Variants in ANKS6 observed in about 807,000 individuals in gnomAD.
ANKS6 encodes ankyrin repeat and sterile alpha motif domain containing 6.
A neutral mutation model predicts 77.9 loss-of-function variants in ANKS6; 47 were observed. The ratio of observed to expected loss-of-function variants is 0.60; its 90% confidence interval spans 0.48 to 0.77. The LOEUF is 0.77. Among genes scored for constraint, ANKS6 ranks in the 30% least tolerant of loss-of-function variants. The pLI is 0.00. For synonymous variants in ANKS6, 488 were observed against 501.7 expected (o/e 0.97, Z 0.37); for missense variants, 1,150 against 1,159.1 (o/e 0.99, Z 0.11).
intron 11 of ANKS6, among the ~76,000 whole-genome samples, chr9:98,764,411 C>A (rs962922479): frequency 6.6e-6 from 1 of 152,124 alleles, no homozygotes; most frequent in Admixed American, 6.6e-5. Context: ...AAATTCTCAA[C>A]CATTATTTCT....
intron 10 of ANKS6, among the ~76,000 whole-genome samples, chr9:98,769,599 A>G (rs1256841157): frequency 6.6e-6 from 1 of 152,222 alleles, no homozygotes; most frequent in Non-Finnish European, 1.5e-5. Context: ...TGTGAGGAAA[A>G]AGAAAAAAGC....
chr9:98,779,929 T>C lies in ANKS6; in HGVS notation c.1368+260A>G, dbSNP rs565670460. Among the ~76,000 whole-genome samples, 5 of 152,348 alleles carry C rather than the reference T, an allele frequency of 3.3e-5. No individual in the cohort carries two copies. The South Asian group carries it at 1.0e-3, about 32-fold the overall frequency. ...CGCCCGTCTTGGCCTCTCAAAGTGC[T>C]GGGATTACAGGCGTGAGCCACCGTG... On this transcript the variant is annotated intron_variant, in intron 6 of 14. Transcript: ENST00000353234.
chr9:98,746,678 T>G (rs956133191), intron 13 of ANKS6, among the ~76,000 whole-genome samples: 4 of 151,658 alleles, frequency 2.6e-5, no homozygotes, highest in African/African-American at 7.3e-5. Context: ...ATCCTCGCCG[T>G]TCTCCACAAT....
intron 3 of ANKS6, 56 bp downstream of exon 3, chr9:98,784,776 G>T (rs1834471013): frequency 1.4e-6 from 2 of 1,470,608 alleles, no homozygotes; most frequent in Non-Finnish European, 1.9e-6. Flanking sequence ...ATATTAGGTT[G>T]GGAGAATGTA....
Position 98,734,685 on chromosome 9 carries a change from C to T in ANKS6, c.*1834G>A, listed in dbSNP as rs76874515. 1.4e-3 allele frequency: 1,301 copies of T among 930,664 alleles called. 9 individuals carry two copies. In the African/African-American group the frequency reaches 0.021, roughly 15 times the overall value. 57.7% of individuals were successfully genotyped at this position (930,664 alleles called of 1,614,324 possible). A position where few individuals can be genotyped will look rare whatever the true frequency, so the allele number is the denominator to read the frequency against. The stretch of plus-strand genomic sequence containing the variant: ...AAGCTGCTTCCCTCTCCTAAGCATC[C>T]GTTTCCCGAATGTGCAAGATGAGGT... On this transcript the variant is annotated 3_prime_UTR_variant, in exon 15 of 15. Coordinates refer to ENST00000353234, the MANE Select transcript of ANKS6 (RefSeq NM_173551.5).
intron 12 of ANKS6, among the ~76,000 whole-genome samples, chr9:98,755,146 C>A (rs771011395): frequency 2.0e-5 from 3 of 152,218 alleles, no homozygotes; most frequent in Admixed American, 1.3e-4. Context: ...CCAGTGGCAG[C>A]ATGCATTTAT....
rs1055114325 is a variant in ANKS6, at chr9:98,735,304, G to A, written c.*1215C>T. ...TCTATTTACAGGTGTTCTCTTGCCT[G>A]TCGAGAGCCTGAAGGCTCTGTATTG... On this transcript the variant is annotated 3_prime_UTR_variant, in exon 15 of 15. Transcript: ENST00000353234. The A allele has an allele frequency of 3.0e-6, 3 of 1,002,450 alleles. No individual in the cohort carries two copies. Among genetic ancestry groups the A allele is most frequent in the Non-Finnish European group, 3.6e-6 (3 of 841,734 alleles). The allele number at this position is 1,002,450 out of a possible 1,614,324, so 62.1% of individuals were successfully genotyped here.
At chr9:98,781,180 G>A (rs1047951924) in intron 5 of ANKS6, among the ~76,000 whole-genome samples, 8 of 152,330 alleles carry the variant, frequency 5.3e-5, no homozygotes, top group Non-Finnish European at 1.0e-4. Context: ...GATTATGGGC[G>A]TGAGCCATCC....
intron 11 of ANKS6, among the ~76,000 whole-genome samples, chr9:98,760,076 C>A (rs978200286): frequency 1.1e-4 from 16 of 152,054 alleles, no homozygotes; most frequent in African/African-American, 3.9e-4. Context: ...CTAAACATCA[C>A]TATGTACCCC....
chr9:98,753,824 T>C (rs965283198), intron 12 of ANKS6, among the ~76,000 whole-genome samples: 2 of 152,176 alleles, frequency 1.3e-5, no homozygotes, highest in African/African-American at 4.8e-5. Context: ...GATAATAAAA[T>C]ATACAAAAAT....
In ANKS6 at chr9:98,735,553, T is replaced by C. The variant is rs1831452993; in HGVS notation, c.*966A>G. On this transcript the variant is annotated 3_prime_UTR_variant, in exon 15 of 15. Coordinates refer to ENST00000353234, the MANE Select transcript of ANKS6 (RefSeq NM_173551.5). ...AATTCCAAATTTTCACTTCTTTGCCTAGAAACTTTGAGCACCAGAGACCTT... is the reference window on the plus strand; with the variant it reads ...AATTCCAAATTTTCACTTCTTTGCCCAGAAACTTTGAGCACCAGAGACCTT... 1.6e-6 allele frequency: 2 copies of C among 1,230,528 alleles called. No individual in the cohort carries two copies. Among genetic ancestry groups the C allele is most frequent in the African/African-American group, 1.6e-5 (1 of 64,418 alleles). 76.2% of individuals were successfully genotyped at this position (1,230,528 alleles called of 1,614,324 possible).
At chr9:98,777,350 A>G in intron 8 of ANKS6, 55 bp downstream of exon 8, 2 of 1,570,618 alleles carry the variant, frequency 1.3e-6, no homozygotes, top group African/African-American at 1.4e-5. Context: ...TTGTAAATCA[A>G]TCAACTGATG....
chr9:98,750,284 C>T (rs1386207284), intron 13 of ANKS6, among the ~76,000 whole-genome samples: 1 of 151,962 alleles, frequency 6.6e-6, no homozygotes, highest in Non-Finnish European at 1.5e-5. Context: ...CCCTACGTGC[C>T]TTTTGTGACT....
At chr9:98,749,040 A>G (rs1031706470) in intron 13 of ANKS6, among the ~76,000 whole-genome samples, 3 of 152,180 alleles carry the variant, frequency 2.0e-5, no homozygotes, top group African/African-American at 4.8e-5. Context: ...TCTGGTGGCA[A>G]TCAGCAGGGT....
intron 13 of ANKS6, 118 bp from the exon 14 acceptor site, chr9:98,745,793 T>C (rs1057247577): frequency 2.7e-6 from 2 of 744,874 alleles, no homozygotes; most frequent in East Asian, 2.5e-5. Flanking sequence ...CTGATGATGA[T>C]TTACTACTTC....
intron 5 of ANKS6, among the ~76,000 whole-genome samples, chr9:98,780,716 T>C (rs2118104260): frequency 6.6e-6 from 1 of 152,306 alleles, no homozygotes; most frequent in South Asian, 2.1e-4. Flanking sequence ...GTGACATTAA[T>C]ACCCACCACA....
At chr9:98,764,555 T>C (rs902429359) in intron 11 of ANKS6, among the ~76,000 whole-genome samples, 7 of 152,210 alleles carry the variant, frequency 4.6e-5, no homozygotes, top group African/African-American at 1.7e-4. Flanking sequence ...ATGTTTTATA[T>C]GTGTTTCTTC....
At chr9:98,767,563 T>A (rs1833369720) in intron 11 of ANKS6, among the ~76,000 whole-genome samples, 2 of 152,368 alleles carry the variant, frequency 1.3e-5, no homozygotes, top group African/African-American at 4.8e-5. Context: ...TACTGTTAGC[T>A]GTGCCAGGCA....
chr9:98,760,717 G>A lies in ANKS6; in HGVS notation c.2143-4114C>T, dbSNP rs548394589. Among the ~76,000 whole-genome samples, 7 of 152,274 alleles carry A rather than the reference G, an allele frequency of 4.6e-5. No individual in the cohort carries two copies. In the East Asian group the frequency reaches 7.7e-4, roughly 17 times the overall value. On this transcript the variant is annotated intron_variant, in intron 11 of 14. Coordinates refer to ENST00000353234, the MANE Select transcript of ANKS6 (RefSeq NM_173551.5). ...TTAGGATTCATTCAAGCAATCGCAC[G>A]TATCAATAGTGTGTCCCTTTTTGAT...
Sources: allele counts gnomAD v4.1 joint callset (sites outside exome capture counted in the v4.1 genomes callset), GRCh38; gene constraint gnomAD v4.1.1; transcripts MANE v1.5; gene names NCBI Gene and HGNC (gene_info 2026-07-23, HGNC 2026-07-21).